Variants in IL15 observed in about 807,000 individuals in gnomAD.
IL15 encodes the protein interleukin-15.
Under a neutral mutation model 19.6 loss-of-function variants are expected in IL15, and 11 were observed. The ratio of observed to expected loss-of-function variants is 0.56; its 90% CI spans 0.35 to 0.93. The LOEUF is 0.93. Among genes scored for constraint, IL15 ranks in the 40% least tolerant of loss-of-function variants. The pLI, the probability that IL15 is intolerant of heterozygous loss-of-function variation, is 0.01. For missense variants in IL15, 197 were observed against 186.5 expected (o/e 1.06, Z -0.33); for synonymous variants, 58 against 59.6 (o/e 0.97, Z 0.12).
chr4:141,674,086 C>T (rs1728263509), intron 2 of IL15, among the ~76,000 whole-genome samples: 1 of 152,114 alleles, frequency 6.6e-6, no homozygotes, highest in Non-Finnish European at 1.5e-5. Flanking sequence ...AATAATGAAC[C>T]ACAGCCTAGA....
At chr4:141,651,861 G>T (rs1727419130) in intron 1 of IL15, among the ~76,000 whole-genome samples, 1 of 152,014 alleles carries the variant, frequency 6.6e-6, no homozygotes, top group South Asian at 2.1e-4. Context: ...TCTACCTTCT[G>T]TACCCCTTCA....
chr4:141,673,642 C>T (rs541128788), intron 2 of IL15, among the ~76,000 whole-genome samples: 5 of 152,180 alleles, frequency 3.3e-5, no homozygotes, highest in African/African-American at 7.2e-5. Flanking sequence ...CCGGAACACA[C>T]GTGAAATAAT....
intron 3 of IL15, 150 bp from the exon 4 acceptor site, chr4:141,720,319 A>G: frequency 1.8e-6 from 1 of 571,142 alleles, no homozygotes; most frequent in Non-Finnish European, 3.1e-6. Flanking sequence ...AAAAAGATAA[A>G]TTATAGTTTT....
At chr4:141,639,853 A>G (rs911733581) in intron 1 of IL15, among the ~76,000 whole-genome samples, 3 of 152,222 alleles carry the variant, frequency 2.0e-5, no homozygotes, top group African/African-American at 7.2e-5. Context: ...AAAATTCCAT[A>G]GAGGAGTTGA....
chr4:141,660,062 T>C (rs1354924893), intron 2 of IL15, among the ~76,000 whole-genome samples: 1 of 152,196 alleles, frequency 6.6e-6, no homozygotes, highest in African/African-American at 2.4e-5. Context: ...TGGTGAGCTC[T>C]GCTCTTACTG....
At chr4:141,727,650 AC>A (rs1475714652) in intron 5 of IL15, among the ~76,000 whole-genome samples, 1 of 152,158 alleles carries the variant, frequency 6.6e-6, no homozygotes. Context: ...AAGCACACAC[AC>A]TGTGGCACAT....
At chr4:141,642,082 A>G (rs1415243448) in intron 1 of IL15, among the ~76,000 whole-genome samples, 1 of 152,166 alleles carries the variant, frequency 6.6e-6, no homozygotes, top group African/African-American at 2.4e-5. Context: ...AATATATATC[A>G]TACAACTAGA....
chr4:141,639,606 G>A (rs994833371), intron 1 of IL15, among the ~76,000 whole-genome samples: 1 of 152,192 alleles, frequency 6.6e-6, no homozygotes, highest in African/African-American at 2.4e-5. Flanking sequence ...GATTCATGGA[G>A]AGGTCAGAGA....
In IL15 at chr4:141,656,518, T is replaced by G. The variant is rs538373743; in HGVS notation, c.-100+211T>G. ...AGAATATTGCACATAATTTTTTTTCTGAAAAGAGCCACTTAGTAAATATTA... is the reference window on the plus strand; with the variant it reads ...AGAATATTGCACATAATTTTTTTTCGGAAAAGAGCCACTTAGTAAATATTA... On this transcript the variant is annotated intron_variant, in intron 2 of 7. Coordinates refer to ENST00000320650, the MANE Select transcript of IL15 (RefSeq NM_000585.5). Among the ~76,000 whole-genome samples the G allele has an allele frequency of 2.6e-5, 4 of 152,300 alleles. No homozygotes were observed. The East Asian group carries it at 7.7e-4, about 29-fold the overall frequency.
At chr4:141,728,046 T>A in intron 6 of IL15, 62 bp downstream of exon 6, 2 of 796,008 alleles carry the variant, frequency 2.5e-6, no homozygotes, top group East Asian at 2.6e-5. Context: ...AAAAGTATAT[T>A]TTTGTAACAA....
chr4:141,668,639 A>T (rs1407256927), intron 2 of IL15, among the ~76,000 whole-genome samples: 1 of 152,200 alleles, frequency 6.6e-6, no homozygotes, highest in Admixed American at 6.5e-5. Context: ...TTTAGCTCAC[A>T]TAGGTCTTCC....
intron 1 of IL15, among the ~76,000 whole-genome samples, chr4:141,650,095 A>T (rs1727354967): frequency 6.6e-6 from 1 of 152,082 alleles, no homozygotes; most frequent in Non-Finnish European, 1.5e-5. Context: ...AAAGTGGTGG[A>T]TTAGCCATTG....
At chr4:141,691,636 C>T (rs1012412664) in intron 2 of IL15, among the ~76,000 whole-genome samples, 12 of 152,154 alleles carry the variant, frequency 7.9e-5, no homozygotes, top group African/African-American at 2.9e-4. Flanking sequence ...TCCAACAGGG[C>T]AATCATTAAC....
Position 141,655,276 on chromosome 4 carries a change from A to G in IL15, c.-221-910A>G, listed in dbSNP as rs544855839. The stretch of plus-strand genomic sequence containing the variant: ...GGTTCATAAAGAGGATGGAAAACAT[A>G]TCCAAGAAAAAGAAAATGTTCTTTA... On this transcript the variant is annotated intron_variant, in intron 1 of 7. Transcript: ENST00000320650. 1.2e-4 allele frequency among the ~76,000 whole-genome samples: 19 copies of G among 152,230 alleles called. No homozygotes were observed. In the South Asian group the frequency reaches 3.7e-3, roughly 30 times the overall value.
chr4:141,705,867 C>T (rs1729497588), intron 2 of IL15, among the ~76,000 whole-genome samples: 1 of 151,512 alleles, frequency 6.6e-6, no homozygotes, highest in African/African-American at 2.4e-5. Flanking sequence ...GACTTGATGC[C>T]TATTTTATCT....
At chr4:141,707,006 A>G (rs72712433) in intron 2 of IL15, among the ~76,000 whole-genome samples, 11,874 of 152,176 alleles carry the variant, frequency 0.078, 649 homozygotes, top group Non-Finnish European at 0.12. Flanking sequence ...TATGCCTTTA[A>G]AAAAATTTCT....
At chr4:141,693,063 A>G (rs1287602607) in intron 2 of IL15, among the ~76,000 whole-genome samples, 3 of 144,120 alleles carry the variant, frequency 2.1e-5, no homozygotes, top group Non-Finnish European at 4.5e-5. Flanking sequence ...GTGGCTGGGT[A>G]GTTTATAAAT....
chr4:141,680,218 T>G (rs149012584), intron 2 of IL15, among the ~76,000 whole-genome samples: 316 of 152,350 alleles, frequency 2.1e-3, no homozygotes, highest in African/African-American at 7.0e-3. Flanking sequence ...TTCCATGTGC[T>G]TTGGAAGCCA....
intron 2 of IL15, among the ~76,000 whole-genome samples, chr4:141,672,780 T>A (rs1728217598): frequency 6.6e-6 from 1 of 152,224 alleles, no homozygotes; most frequent in Admixed American, 6.5e-5. Flanking sequence ...ACTCTAGCTA[T>A]AGGAATGCCT....
Sources: gnomAD v4.1 joint callset for allele counts (sites outside exome capture counted in the v4.1 genomes callset) on GRCh38, gnomAD v4.1.1 for gene constraint, MANE v1.5 for transcripts, NCBI Gene and HGNC (gene_info 2026-07-23, HGNC 2026-07-21) for gene names.